CTTN: variants seen among roughly 807,000 people sequenced by gnomAD.
The protein encoded by CTTN is cortactin.
Under a neutral mutation model 84.0 loss-of-function variants are expected in CTTN, and 28 were observed. The observed-to-expected ratio is 0.33, with a 90% CI of 0.25 to 0.46. The LOEUF (loss-of-function observed/expected upper bound fraction) is 0.46. Among genes scored for constraint, CTTN ranks in the 20% least tolerant of loss-of-function variants. CTTN has a pLI of 1.00. For missense variants in CTTN, 641 were observed against 723.8 expected, an observed-to-expected ratio of 0.89 and a Z score of 1.31; for synonymous variants, 301 against 288.8, an observed-to-expected ratio of 1.04 and a Z score of -0.43.
At chr11:70,412,071 G>C (rs1266213192) in intron 5 of CTTN, among the ~76,000 whole-genome samples, 1 of 152,208 alleles carries the variant, frequency 6.6e-6, no homozygotes, top group Non-Finnish European at 1.5e-5. Flanking sequence ...CTCAGTCCCA[G>C]CTGGCATCGG....
chr11:70,428,660 G>A (rs556176556), intron 13 of CTTN, among the ~76,000 whole-genome samples: 91 of 152,210 alleles, frequency 6.0e-4, no homozygotes, highest in African/African-American at 2.0e-3. Flanking sequence ...TGTATACTCT[G>A]GTTGAGATTT....
At chr11:70,402,786 A>T (rs751226625) in intron 1 of CTTN, among the ~76,000 whole-genome samples, 1 of 152,182 alleles carries the variant, frequency 6.6e-6, no homozygotes, top group Non-Finnish European at 1.5e-5. Context: ...TGCTGTTCTG[A>T]ACACTCACGC....
chr11:70,435,329 T>G lies in CTTN; in HGVS notation c.*167T>G, dbSNP rs1400231011. 2 of 1,455,760 alleles carry G rather than the reference T, an allele frequency of 1.4e-6. No homozygotes were observed. The highest frequency in any genetic ancestry group is 1.8e-6 in the Non-Finnish European group (2 of 1,112,508). 90.2% of individuals were successfully genotyped at this position (1,455,760 alleles called of 1,614,324 possible). ...TTGCTTTTATATTTAATACTTTTGC[T>G]GATGCTTTTGAAAATGTTTATGCCA... On this transcript the variant is annotated 3_prime_UTR_variant, in exon 18 of 18. Coordinates refer to ENST00000301843, the MANE Select transcript of CTTN (RefSeq NM_005231.4).
At chr11:70,434,957 T>C in intron 17 of CTTN, 69 bp from the exon 18 acceptor site, 2 of 1,558,480 alleles carry the variant, frequency 1.3e-6, no homozygotes, top group Non-Finnish European at 1.8e-6. Flanking sequence ...TGCTCTGGGT[T>C]GTGCTTTTTT....
At chr11:70,419,711 T>A in intron 8 of CTTN, 35 bp from the exon 9 acceptor site, 1 of 1,549,756 alleles carries the variant, frequency 6.5e-7, no homozygotes, top group Non-Finnish European at 8.8e-7. Context: ...ATTTCGTTGC[T>A]CCTTTTAAAG....
intron 10 of CTTN, among the ~76,000 whole-genome samples, chr11:70,420,943 T>G (rs2058229513): frequency 6.6e-6 from 1 of 152,204 alleles, no homozygotes; most frequent in African/African-American, 2.4e-5. Flanking sequence ...GTCTATAAAG[T>G]GGGCCACGGT....
At chr11:70,402,303 C>A (rs761323612) in intron 1 of CTTN, among the ~76,000 whole-genome samples, 3 of 152,148 alleles carry the variant, frequency 2.0e-5, no homozygotes, top group African/African-American at 7.2e-5. Context: ...TCTTTTGAAC[C>A]GTATTGTAAC....
In CTTN at chr11:70,435,178, C is replaced by G. The variant is rs192809533; in HGVS notation, c.*16C>G. 1.6e-3 allele frequency: 2,599 copies of G among 1,598,556 alleles called. 36 individuals are homozygous for G. In the East Asian group the frequency reaches 0.032, roughly 20 times the overall value. Reference sequence around the variant, plus strand: ...GCGGCAGTAGGGCCCCCAGCCCCCCCCCGGAGCTGCGCCCTGGATCCTCAC... The same window carrying G: ...GCGGCAGTAGGGCCCCCAGCCCCCCGCCGGAGCTGCGCCCTGGATCCTCAC... On this transcript the variant is annotated 3_prime_UTR_variant, in exon 18 of 18. Coordinates refer to ENST00000301843, the MANE Select transcript of CTTN (RefSeq NM_005231.4).
intron 2 of CTTN, 114 bp from the exon 3 acceptor site, chr11:70,407,184 C>T: frequency 1.3e-6 from 1 of 767,006 alleles, no homozygotes; most frequent in Non-Finnish European, 2.2e-6. Context: ...GGTCCTGCAG[C>T]CTCGTCCTCC....
At chr11:70,408,500 C>T (rs908860801) in intron 4 of CTTN, among the ~76,000 whole-genome samples, 2 of 152,124 alleles carry the variant, frequency 1.3e-5, no homozygotes, top group Non-Finnish European at 2.9e-5. Flanking sequence ...TGGGTTCAAG[C>T]GATCCTCTCA....
At chr11:70,423,394 G>A (rs545280965) in intron 12 of CTTN, among the ~76,000 whole-genome samples, 15 of 152,352 alleles carry the variant, frequency 9.8e-5, no homozygotes, top group African/African-American at 3.4e-4. Context: ...CCAGCGCTGC[G>A]TGTGCGGTGA....
At chr11:70,407,195 T>TG in intron 2 of CTTN, 103 bp from the exon 3 acceptor site, 1 of 875,914 alleles carries the variant, frequency 1.1e-6, no homozygotes, top group Non-Finnish European at 1.8e-6. Context: ...CTCGTCCTCC[T>TG]GGGTTGCCTA....
intron 14 of CTTN, 143 bp from the exon 15 acceptor site, chr11:70,431,048 C>G (rs1219700401): frequency 1.3e-6 from 1 of 794,272 alleles, no homozygotes; most frequent in Non-Finnish European, 2.1e-6. Flanking sequence ...GCTTGGTGCT[C>G]CAGCTCAGCC....
intron 6 of CTTN, 86 bp from the exon 7 acceptor site, chr11:70,415,577 T>C: frequency 8.2e-7 from 1 of 1,218,232 alleles, no homozygotes; most frequent in Non-Finnish European, 1.2e-6. Context: ...TTTTTTTAAA[T>C]GTCATGTCAT....
At chr11:70,413,737 G>A (rs1267430276) in intron 5 of CTTN, among the ~76,000 whole-genome samples, 3 of 152,200 alleles carry the variant, frequency 2.0e-5, no homozygotes, top group African/African-American at 4.8e-5. Flanking sequence ...CCTGAACAGG[G>A]TGCTGCTCAG....
intron 17 of CTTN, among the ~76,000 whole-genome samples, chr11:70,434,790 T>G (rs975893738): frequency 2.0e-5 from 3 of 151,898 alleles, no homozygotes; most frequent in African/African-American, 7.3e-5. Flanking sequence ...GGGGTCCGGG[T>G]GGGGTTGGTG....
chr11:70,426,715 A>G (rs1041418393), intron 13 of CTTN, among the ~76,000 whole-genome samples: 11 of 151,610 alleles, frequency 7.3e-5, no homozygotes, highest in African/African-American at 2.7e-4. Flanking sequence ...AAGCCTCCGG[A>G]GTAGCTGGGA....
intron 7 of CTTN, 163 bp downstream of exon 7, chr11:70,415,880 T>C (rs545040325): frequency 7.5e-6 from 5 of 668,220 alleles, no homozygotes; most frequent in South Asian, 6.9e-5. Flanking sequence ...AGGAGGACTC[T>C]GCCCTCCTCT....
At chr11:70,427,406 C>G (rs1050536148) in intron 13 of CTTN, among the ~76,000 whole-genome samples, 3 of 152,192 alleles carry the variant, frequency 2.0e-5, no homozygotes, top group African/African-American at 4.8e-5. Flanking sequence ...CCTGTAATCC[C>G]AGCACTTAGT....
Sources: allele counts gnomAD v4.1 joint callset (sites outside exome capture counted in the v4.1 genomes callset), GRCh38; gene constraint gnomAD v4.1.1; transcripts MANE v1.5; gene names NCBI Gene and HGNC (gene_info 2026-07-23, HGNC 2026-07-21).